SHANK2: variants seen among roughly 807,000 people sequenced by gnomAD.
The protein encoded by SHANK2 is SH3 and multiple ankyrin repeat domains protein 2.
A neutral mutation model predicts 133.7 loss-of-function variants in SHANK2; 43 were observed. The ratio of observed to expected loss-of-function variants is 0.32; its 90% CI spans 0.25 to 0.41. The LOEUF (loss-of-function observed/expected upper bound fraction) is 0.41, where lower values mean the gene tolerates loss of function less well. Ranked by LOEUF, SHANK2 falls within the 10% of genes least tolerant of loss-of-function variation. SHANK2 has a pLI of 1.00. For synonymous variants in SHANK2, 1,017 were observed against 952.8 expected, an observed-to-expected ratio of 1.07 and a Z score of -1.24; for missense variants, 1,994 against 2,235.8, an observed-to-expected ratio of 0.89 and a Z score of 2.18.
chr11:71,082,652 G>T lies in SHANK2; in HGVS notation c.913-7377C>A, dbSNP rs972190420. 2.0e-5 allele frequency among the ~76,000 whole-genome samples: 3 copies of T among 152,322 alleles called. No homozygotes were observed. In the East Asian group the frequency reaches 5.8e-4, roughly 29 times the overall value. On this transcript the variant is annotated intron_variant, in intron 8 of 25. Coordinates refer to ENST00000601538, the MANE Select transcript of SHANK2 (RefSeq NM_012309.5). ...CCTCCCACAGGCCTGGGAGGATCAGGGGCCTGTCCCCTCGCCGTGGGGCCC... is the reference window on the plus strand; with the variant it reads ...CCTCCCACAGGCCTGGGAGGATCAGTGGCCTGTCCCCTCGCCGTGGGGCCC...
At chr11:70,905,258 C>G (rs1355185633) in intron 10 of SHANK2, among the ~76,000 whole-genome samples, 2 of 152,320 alleles carry the variant, frequency 1.3e-5, no homozygotes, top group East Asian at 3.9e-4. Flanking sequence ...CAGGCAACCC[C>G]TTTCAAGACA....
chr11:70,891,004 C>T (rs1470175835), intron 11 of SHANK2, among the ~76,000 whole-genome samples: 3 of 151,994 alleles, frequency 2.0e-5, no homozygotes, highest in African/African-American at 7.2e-5. Flanking sequence ...AGATGGTGAC[C>T]ACATAGGTGT....
intron 10 of SHANK2, among the ~76,000 whole-genome samples, chr11:70,947,648 G>A (rs1950767432): frequency 1.3e-5 from 2 of 152,126 alleles, no homozygotes; most frequent in African/African-American, 2.4e-5. Flanking sequence ...TTATAGGTGT[G>A]AGCCACTGCG....
At chr11:70,698,610 A>T in intron 15 of SHANK2, 78 bp downstream of exon 15, 1 of 716,804 alleles carries the variant, frequency 1.4e-6, no homozygotes, top group East Asian at 2.7e-5. Context: ...AGCTGCATGC[A>T]AGATGGTCCA....
intron 11 of SHANK2, among the ~76,000 whole-genome samples, chr11:70,834,909 G>A (rs1948788680): frequency 1.3e-5 from 2 of 152,042 alleles, no homozygotes; most frequent in Non-Finnish European, 2.9e-5. Context: ...GCTGAAAGGG[G>A]CTGGGGGTGT....
chr11:70,895,760 A>C (rs1055514432), intron 11 of SHANK2, among the ~76,000 whole-genome samples: 1 of 152,122 alleles, frequency 6.6e-6, no homozygotes, highest in Non-Finnish European at 1.5e-5. Context: ...AATTTGTTTC[A>C]GCAATCAAGA....
intron 17 of SHANK2, among the ~76,000 whole-genome samples, chr11:70,575,321 G>C (rs1423445660): frequency 6.6e-6 from 1 of 152,080 alleles, no homozygotes; most frequent in African/African-American, 2.4e-5. Flanking sequence ...AGACCAGCCT[G>C]GCCAAAATGG....
chr11:70,869,674 G>C (rs1488605729), intron 11 of SHANK2, among the ~76,000 whole-genome samples: 4 of 152,196 alleles, frequency 2.6e-5, no homozygotes, highest in Admixed American at 2.6e-4. Flanking sequence ...TACTTCCTTG[G>C]GTTGGGCACC....
intron 17 of SHANK2, among the ~76,000 whole-genome samples, chr11:70,617,232 T>C (rs1272028472): frequency 2.0e-5 from 3 of 151,954 alleles, no homozygotes; most frequent in Non-Finnish European, 4.4e-5. Flanking sequence ...TGTGTGTGTG[T>C]GCATGTGTGT....
intron 17 of SHANK2, among the ~76,000 whole-genome samples, chr11:70,518,638 G>A (rs1208155214): frequency 2.0e-5 from 3 of 152,206 alleles, no homozygotes; most frequent in Non-Finnish European, 2.9e-5. Flanking sequence ...TATTAGTGGT[G>A]GTCAGAGGCG....
chr11:71,097,984 G>A (rs781898969), intron 6 of SHANK2, among the ~76,000 whole-genome samples: 1 of 151,150 alleles, frequency 6.6e-6, no homozygotes, highest in Admixed American at 6.6e-5. Flanking sequence ...GTGCCTGTGT[G>A]TGCATGTGCA....
Position 70,535,404 on chromosome 11 carries a change from T to C in SHANK2, c.2062-32473A>G, listed in dbSNP as rs2059530782. Among the ~76,000 whole-genome samples, 1 of 151,720 alleles carries C rather than the reference T, an allele frequency of 6.6e-6. No individual in the cohort carries two copies. The highest frequency in any genetic ancestry group is 1.5e-5 in the Non-Finnish European group (1 of 67,918). ...TCCATCAGTCTAACCAGTCCATCCA[T>C]TTATCCATCATCCATCCATCCATCC... On this transcript the variant is annotated intron_variant, in intron 17 of 25. Transcript: ENST00000601538. The surrounding 1 kb of genome is among the most constrained non-coding windows in gnomAD (Gnocchi z 4.3).
chr11:70,554,156 A>G (rs895226187), intron 17 of SHANK2, among the ~76,000 whole-genome samples: 3 of 152,198 alleles, frequency 2.0e-5, no homozygotes, highest in Non-Finnish European at 4.4e-5. Context: ...GTCCCCAGAA[A>G]ACACAACATC....
rs909707299 is a variant in SHANK2, at chr11:71,091,232, G to A, written c.912+1190C>T. Among the ~76,000 whole-genome samples the A allele has an allele frequency of 9.2e-5, 14 of 151,904 alleles. 1 individual carries two copies. The highest frequency in any genetic ancestry group is 2.6e-4 in the Admixed American group (4 of 15,254). On this transcript the variant is annotated intron_variant, in intron 8 of 25. Transcript: ENST00000601538. ...GCGGGCTCCAGCTTGGGTGTGGGCCGGGGGCTGCCATGAACAGCCCCACAG... is the reference window on the plus strand; with the variant it reads ...GCGGGCTCCAGCTTGGGTGTGGGCCAGGGGCTGCCATGAACAGCCCCACAG...
At chr11:71,069,360 A>T (rs2135962637) in intron 9 of SHANK2, among the ~76,000 whole-genome samples, 1 of 151,802 alleles carries the variant, frequency 6.6e-6, no homozygotes, top group South Asian at 2.1e-4. Context: ...TGCCACCACC[A>T]CCATCACTGC....
intron 10 of SHANK2, among the ~76,000 whole-genome samples, chr11:70,923,058 A>T (rs571180364): frequency 1.3e-5 from 2 of 152,220 alleles, no homozygotes; most frequent in Non-Finnish European, 2.9e-5. Flanking sequence ...CCCAAAACCC[A>T]AACAGGCACA....
At chr11:70,581,112 G>C (rs2060178869) in intron 17 of SHANK2, among the ~76,000 whole-genome samples, 2 of 152,204 alleles carry the variant, frequency 1.3e-5, no homozygotes, top group Admixed American at 1.3e-4. Flanking sequence ...TAAGGTTCAG[G>C]GCACTCCCTT....
At chr11:70,764,337 AT>A (rs1947068519) in intron 14 of SHANK2, among the ~76,000 whole-genome samples, 1 of 145,658 alleles carries the variant, frequency 6.9e-6, no homozygotes, top group South Asian at 2.2e-4. Flanking sequence ...CTATCCATCT[AT>A]ACATTCACCC....
intron 4 of SHANK2, among the ~76,000 whole-genome samples, chr11:71,117,209 G>A (rs150249866): frequency 1.3e-4 from 20 of 152,156 alleles, no homozygotes; most frequent in African/African-American, 2.6e-4. Context: ...TAGTAGAGAC[G>A]GAGTTTCACC....
Sources: gnomAD v4.1 joint callset for allele counts (sites outside exome capture counted in the v4.1 genomes callset) on GRCh38, gnomAD v4.1.1 for gene constraint, Gnocchi (gnomAD v3.1) non-coding constraint, MANE v1.5 for transcripts, NCBI Gene and HGNC (gene_info 2026-07-23, HGNC 2026-07-21) for gene names.